PLA2G4B: variants seen among roughly 807,000 people sequenced by gnomAD.
The protein encoded by PLA2G4B is phospholipase A2 group IVB.
Under a neutral mutation model 95.8 loss-of-function variants are expected in PLA2G4B, and 122 were observed. That is an observed-to-expected ratio of 1.27 (90% CI 1.10 to 1.48). The LOEUF is 1.48. Among genes scored for constraint, PLA2G4B ranks in the 40% most tolerant of loss-of-function variants. The pLI is 0.00. For missense variants in PLA2G4B, 1,158 were observed against 996.2 expected, an observed-to-expected ratio of 1.16 and a Z score of -2.19; for synonymous variants, 518 against 421.5, an observed-to-expected ratio of 1.23 and a Z score of -2.80.
rs1459481619 is a variant in PLA2G4B at position 41,847,465 on chromosome 15, C to A, written c.2076C>A (p.Ala692=). The change falls in exon 19 of 20, where the codon GCC becomes GCA. Residue 692 remains alanine, a synonymous_variant. Coordinates refer to ENST00000458483, the MANE Select transcript of PLA2G4B (RefSeq NM_001114633.2). The part of the protein sequence containing the change: ...HTFSDPTCPG[A]PAVLHFPLVS... The stretch of plus-strand genomic sequence containing the variant: ...TCTCCGACCCCACCTGCCCCGGAGC[C>A]CCTGCGGTGCTGCACTTTCCTCTGG... 6.2e-7 allele frequency: 1 copy of A among 1,613,050 alleles called. No individual in the cohort carries two copies.
intron 1 of PLA2G4B, chr15:41,839,178 C>T (rs1037359214): frequency 2.1e-5 from 8 of 372,898 alleles, no homozygotes; most frequent in Non-Finnish European, 3.9e-5. Context: ...GCCCTGGAGA[C>T]TCAGAGGCTC....
In PLA2G4B at chr15:41,840,807, C is replaced by G. The variant is rs2065415595; in HGVS notation, c.253C>G (p.Leu85Val). 1 of 1,613,940 alleles carries G rather than the reference C, an allele frequency of 6.2e-7. No individual in the cohort carries two copies. The highest frequency in any genetic ancestry group is 1.3e-5 in the African/African-American group (1 of 74,914). ...VMELKVFDQD[L>V]VTGDDPVLSV... ...GGAACTGAAAGTCTTTGACCAGGACCTGGTGACCGGAGATGACCCTGTGTT... is the reference window on the plus strand; with the variant it reads ...GGAACTGAAAGTCTTTGACCAGGACGTGGTGACCGGAGATGACCCTGTGTT... The change falls in exon 4 of 20, where the codon CTG (leucine) becomes GTG (valine). Residue 85 changes from leucine (L) to valine (V), a missense_variant. Leu to Val is a conservative substitution (Grantham distance 32). Coordinates refer to ENST00000458483, the MANE Select transcript of PLA2G4B (RefSeq NM_001114633.2).
Position 41,847,889 on chromosome 15 carries a change from T to G in PLA2G4B, c.*29T>G. The G allele has an allele frequency of 6.3e-7, 1 of 1,596,024 alleles. No individual in the cohort carries two copies. On this transcript the variant is annotated 3_prime_UTR_variant, in exon 20 of 20. Transcript: ENST00000458483. ...CCGGGGCCCCTGCCACCCCTAACTC[T>G]CATTCATTCCCTGGCTGCTGAGTTG...
intron 15 of PLA2G4B, 78 bp downstream of exon 15, chr15:41,845,853 GAA>G (rs2065532819): frequency 1.3e-6 from 2 of 1,527,548 alleles, no homozygotes; most frequent in Admixed American, 2.1e-5. Context: ...GCCTCGGTCA[GAA>G]GAGTTTCCTG....
chr15:41,840,915 T>G lies in PLA2G4B; in HGVS notation c.351+10T>G. 6.2e-7 allele frequency: 1 copy of G among 1,610,952 alleles called. No individual in the cohort carries two copies. Among genetic ancestry groups the G allele is most frequent in the South Asian group, 1.1e-5 (1 of 90,896 alleles). On this transcript the variant is annotated intron_variant, in intron 4 of 19. Coordinates refer to ENST00000458483, the MANE Select transcript of PLA2G4B (RefSeq NM_001114633.2). ...CTCACTGAGCCCTCAGGCAAGGCGG[T>G]GTTTCCACGGCAGCCCTAGCTGGTG...
At position 41,842,605 on chromosome 15, in the gene PLA2G4B, C is replaced by T. The variant is rs1228017225; in HGVS notation, c.743+14C>T. On this transcript the variant is annotated intron_variant, in intron 10 of 19. Coordinates refer to ENST00000458483, the MANE Select transcript of PLA2G4B (RefSeq NM_001114633.2). ...AAAAGAAGCAGGGTGAGAGGCCTGGCTGGGGACTGGGCAAGGCCCTGGAAA... is the reference window on the plus strand; with the variant it reads ...AAAAGAAGCAGGGTGAGAGGCCTGGTTGGGGACTGGGCAAGGCCCTGGAAA... 14 of 1,608,406 alleles carry T rather than the reference C, an allele frequency of 8.7e-6. No homozygotes were observed. The Admixed American group carries it at 1.7e-4, about 20-fold the overall frequency.
Position 41,848,022 on chromosome 15 carries a change from A to C in PLA2G4B, c.*162A>C. ...GCTCCCTTGCGCCTCAGCAGTTTGC[A>C]GTGGGGTAAGGAGGCCAAGCCCATT... On this transcript the variant is annotated 3_prime_UTR_variant, in exon 20 of 20. Transcript: ENST00000458483. The C allele has an allele frequency of 1.0e-6, 1 of 997,368 alleles. No homozygotes were observed. Among genetic ancestry groups the C allele is most frequent in the Non-Finnish European group, 1.4e-6 (1 of 696,854 alleles). 61.8% of individuals were successfully genotyped at this position (997,368 alleles called of 1,614,324 possible).
At chr15:41,846,170 G>A (rs779357809) in intron 16 of PLA2G4B, 33 bp from the exon 17 acceptor site, 1 of 1,602,638 alleles carries the variant, frequency 6.2e-7, no homozygotes, top group South Asian at 1.1e-5. Flanking sequence ...TAAAGGTGCA[G>A]GAGTCCCCAT....
intron 14 of PLA2G4B, 147 bp from the exon 15 acceptor site, chr15:41,845,491 G>C (rs2140896129): frequency 6.8e-7 from 1 of 1,462,388 alleles, no homozygotes; most frequent in South Asian, 1.4e-5. Flanking sequence ...AAGGAGGCAG[G>C]GGCCTTAGGT....
Position 41,847,491 on chromosome 15 carries a change from T to G in PLA2G4B, c.2102T>G (p.Val701Gly). 1.4e-5 allele frequency: 23 copies of G among 1,609,930 alleles called. No homozygotes were observed. The highest frequency in any genetic ancestry group is 1.9e-5 in the Non-Finnish European group (22 of 1,177,236). ...CCTGCGGTGCTGCACTTTCCTCTGG[T>G]CAGCGACTCCTTCCGGGAGTACTCG... is the stretch of plus-strand genomic sequence containing the variant. ...GAPAVLHFPL[V>G]SDSFREYSAP... The change falls in exon 19 of 20, where the codon GTC (valine) becomes GGC (glycine). Residue 701 changes from valine to glycine, a missense_variant. Coordinates refer to ENST00000458483, the MANE Select transcript of PLA2G4B (RefSeq NM_001114633.2).
At chr15:41,846,887 C>T in intron 18 of PLA2G4B, 52 bp downstream of exon 18, 1 of 1,544,550 alleles carries the variant, frequency 6.5e-7, no homozygotes, top group Non-Finnish European at 8.8e-7. Context: ...CCCCTGTCCC[C>T]TGAAGAGAGG....
At chr15:41,840,992 TACTC>T (rs1251261811) in intron 4 of PLA2G4B, 59 bp from the exon 5 acceptor site, 37 of 1,575,554 alleles carry the variant, frequency 2.3e-5, no homozygotes, top group African/African-American at 2.7e-5. Context: ...ATGTCTCTCA[TACTC>T]ACTGACATAT....
rs1324180745 is a variant in PLA2G4B, at chr15:41,845,239, C to G, written c.1276C>G (p.Leu426Val). The G allele has an allele frequency of 5.6e-6, 9 of 1,614,066 alleles. No individual in the cohort carries two copies. Among genetic ancestry groups the G allele is most frequent in the South Asian group, 1.1e-5 (1 of 91,084 alleles). ...DHKLSDQREA[L>V]SHGQNPLPIY... Reference sequence around the variant, plus strand: ...CAAGCTCTCAGATCAACGGGAGGCCCTGAGTCATGGCCAGAACCCTCTGCC... The same window carrying G: ...CAAGCTCTCAGATCAACGGGAGGCCGTGAGTCATGGCCAGAACCCTCTGCC... Residue 426 changes from leucine to valine, a missense_variant, in exon 14 of 20, where the codon CTG (leucine) becomes GTG (valine). Leu to Val is a conservative substitution (Grantham distance 32). Transcript: ENST00000458483.
At chr15:41,840,268 G>A (rs750430804) in intron 2 of PLA2G4B, 38 bp downstream of exon 2, 2 of 1,609,662 alleles carry the variant, frequency 1.2e-6, no homozygotes, top group Non-Finnish European at 1.7e-6. Context: ...GCTGGGCTGA[G>A]GGAGGAGGAG....
intron 10 of PLA2G4B, 53 bp from the exon 11 acceptor site, chr15:41,843,623 A>G (rs2065476758): frequency 6.3e-7 from 1 of 1,585,690 alleles, no homozygotes. Context: ...CCAGCTTTCC[A>G]TTCTCTGGGG....
In PLA2G4B at chr15:41,841,064, C is replaced by T. The variant is rs528108942; in HGVS notation, c.361C>T (p.Arg121Cys). 35 of 1,581,154 alleles carry T rather than the reference C, an allele frequency of 2.2e-5. No individual in the cohort carries two copies. The highest frequency in any genetic ancestry group is 1.8e-4 in the African/African-American group (13 of 74,264). ...SFSLSPQGEG[R>C]LEVEFRLQSL... ...CTGGCTCTCTTCCCAGGGTGAGGGG[C>T]GCCTGGAAGTTGAATTTCGCCTGCA... Residue 121 changes from arginine to cysteine, a missense_variant, in exon 5 of 20, where the codon CGC becomes TGC. Physicochemically the swap from Arg to Cys is radical, Grantham distance 180 (BLOSUM62 -3). Coordinates refer to ENST00000458483, the MANE Select transcript of PLA2G4B (RefSeq NM_001114633.2).
rs760845858 is a variant in PLA2G4B, at chr15:41,843,783, A to G, written c.851A>G (p.Gln284Arg). The G allele has an allele frequency of 3.1e-6, 5 of 1,613,862 alleles. No homozygotes were observed. Among genetic ancestry groups the G allele is most frequent in the Non-Finnish European group, 3.4e-6 (4 of 1,179,832 alleles). ...VVAAALRQAL[Q>R]LDGDLQEDEI... is the part of the protein sequence containing the mutation. The stretch of plus-strand genomic sequence containing the variant: ...GCCGCGGCCTTGAGGCAGGCCCTGC[A>G]GCTGGACGGAGACCTGCAGGAGGAT... Residue 284 changes from glutamine to arginine, a missense_variant, in exon 11 of 20, where the codon CAG becomes CGG. Gln to Arg is a conservative substitution (Grantham distance 43). Transcript: ENST00000458483.
At position 41,841,666 on chromosome 15, in the gene PLA2G4B, C is replaced by G. The variant is rs865809550; in HGVS notation, c.490+95C>G. 2.3e-5 allele frequency: 37 copies of G among 1,585,322 alleles called. 1 individual carries two copies. The Middle Eastern group carries it at 2.8e-3, about 122-fold the overall frequency. ...ATTCTCCTTGGGGCCTGAGCTTTCCCCTTAGGCCTTCTCGGGGGACTGTGG... is the reference window on the plus strand; with the variant it reads ...ATTCTCCTTGGGGCCTGAGCTTTCCGCTTAGGCCTTCTCGGGGGACTGTGG... On this transcript the variant is annotated intron_variant, in intron 7 of 19. Coordinates refer to ENST00000458483, the MANE Select transcript of PLA2G4B (RefSeq NM_001114633.2).
intron 18 of PLA2G4B, 131 bp from the exon 19 acceptor site, chr15:41,847,206 A>C: frequency 7.2e-7 from 1 of 1,390,936 alleles, no homozygotes; most frequent in South Asian, 1.5e-5. Context: ...TTTTCCAACG[A>C]CTGGCTTCAT....
Sources: gnomAD v4.1 joint callset for allele counts on GRCh38, gnomAD v4.1.1 for gene constraint, MANE v1.5 for transcripts, NCBI Gene and HGNC (gene_info 2026-07-23, HGNC 2026-07-21) for gene names.